Variants in PFKFB3 observed in about 807,000 individuals in gnomAD.
The protein encoded by PFKFB3 is 6-phosphofructo-2-kinase/fructose-2,6-bisphosphatase 3.
Under a neutral mutation model 68.0 loss-of-function variants are expected in PFKFB3, and 33 were observed. The observed-to-expected ratio is 0.49, with a 90% CI of 0.37 to 0.65. PFKFB3 has a LOEUF of 0.65. Ranked by LOEUF, PFKFB3 falls within the 30% of genes least tolerant of loss-of-function variation. PFKFB3 has a pLI of 0.00. For missense variants in PFKFB3, 586 were observed against 712.2 expected (o/e 0.82, Z 2.02); for synonymous variants, 315 against 288.2 (o/e 1.09, Z -0.94).
In PFKFB3 at chr10:6,233,177, T is replaced by C. The variant is rs535086675; in HGVS notation, c.*235T>C. ...TGCCTTTAGCCGTGGGGCCCCCACC[T>C]CCACTCTCTGGGTTTCCTAGGAATG... is the stretch of plus-strand genomic sequence containing the variant. On this transcript the variant is annotated 3_prime_UTR_variant, in exon 15 of 15. Coordinates refer to ENST00000379775, the MANE Select transcript of PFKFB3 (RefSeq NM_004566.4). 4.2e-5 allele frequency: 22 copies of C among 529,420 alleles called. No individual in the cohort carries two copies. In the East Asian group the frequency reaches 6.6e-4, roughly 16 times the overall value. The allele number at this position is 529,420 out of a possible 1,614,324, so 32.8% of individuals were successfully genotyped here. A position where few individuals can be genotyped will look rare whatever the true frequency, so the allele number is the denominator to read the frequency against.
At chr10:6,200,076 T>C (rs1002837143), upstream of PFKFB3, among the ~76,000 whole-genome samples, 6 of 152,146 alleles carry the variant, frequency 3.9e-5, no homozygotes, top group African/African-American at 7.2e-5. Flanking sequence ...CTGCTCCTAA[T>C]TGGCTTTCTT....
the PFKFB3 span, among the ~76,000 whole-genome samples, chr10:6,280,285 T>G: frequency 0.016 from 2,426 of 152,336 alleles, 64 homozygotes; most frequent in African/African-American, 0.055. Context: ...TATTTGGATA[T>G]GTAGACCATC....
At chr10:6,225,241 C>T (rs1030555575) in intron 13 of PFKFB3, 16 of 455,928 alleles carry the variant, frequency 3.5e-5, no homozygotes, top group Admixed American at 1.6e-4. Flanking sequence ...ATGGCGTTCC[C>T]GAAACAGGTG....
At chr10:6,316,631 C>A in the PFKFB3 span, among the ~76,000 whole-genome samples, 1 of 152,164 alleles carries the variant, frequency 6.6e-6, no homozygotes, top group Non-Finnish European at 1.5e-5. Context: ...GCATGCACCA[C>A]CACACCTGGC....
chr10:6,281,915 T>G, the PFKFB3 span, among the ~76,000 whole-genome samples: 1 of 152,188 alleles, frequency 6.6e-6, no homozygotes, highest in South Asian at 2.1e-4. Flanking sequence ...TGGAAAGATT[T>G]TTGAGCCCAA....
downstream of PFKFB3, among the ~76,000 whole-genome samples, chr10:6,239,050 G>C (rs1203676232): frequency 6.6e-6 from 1 of 152,182 alleles, no homozygotes; most frequent in East Asian, 1.9e-4. Context: ...GTGTCTTCAT[G>C]GCGGAACAAC....
chr10:6,217,574 G>A (rs540125821), intron 6 of PFKFB3, among the ~76,000 whole-genome samples: 1 of 152,314 alleles, frequency 6.6e-6, no homozygotes, highest in South Asian at 2.1e-4. Context: ...AGCTCCAGGA[G>A]GTAAGAATGC....
the PFKFB3 span, among the ~76,000 whole-genome samples, chr10:6,273,223 A>G: frequency 1.7e-4 from 26 of 151,972 alleles, no homozygotes; most frequent in African/African-American, 6.0e-4. Flanking sequence ...CACCTCACAG[A>G]TGTGATCCAT....
chr10:6,208,013 G>A (rs1588479274), intron 1 of PFKFB3, among the ~76,000 whole-genome samples: 1 of 152,212 alleles, frequency 6.6e-6, no homozygotes, highest in Admixed American at 6.5e-5. Flanking sequence ...CAAAGGAGGG[G>A]GTATTAGTAC....
downstream of PFKFB3, among the ~76,000 whole-genome samples, chr10:6,236,918 G>A (rs137992147): frequency 0.01 from 1,572 of 152,262 alleles, 12 homozygotes; most frequent in Non-Finnish European, 0.017. Context: ...GGATGCTGTC[G>A]GGGAGAGGAG....
the PFKFB3 span, among the ~76,000 whole-genome samples, chr10:6,283,093 G>A: frequency 6.6e-6 from 1 of 152,170 alleles, no homozygotes; most frequent in Non-Finnish European, 1.5e-5. Flanking sequence ...AGCCTCCTGA[G>A]TAGCTGGGAT....
At chr10:6,176,750 C>G (rs1302752888) in intron 1 of PFKFB3, among the ~76,000 whole-genome samples, 1 of 152,152 alleles carries the variant, frequency 6.6e-6, no homozygotes, top group Non-Finnish European at 1.5e-5. Flanking sequence ...GACATGGGCC[C>G]TCCCTAGTCC....
the PFKFB3 span, among the ~76,000 whole-genome samples, chr10:6,266,209 CTG>C: frequency 6.6e-6 from 1 of 152,094 alleles, no homozygotes; most frequent in Non-Finnish European, 1.5e-5. Flanking sequence ...GAGCTTGAGA[CTG>C]TTTATTTTAT....
intron 14 of PFKFB3, among the ~76,000 whole-genome samples, chr10:6,230,066 A>G (rs1372124067): frequency 6.6e-6 from 1 of 152,160 alleles, no homozygotes; most frequent in African/African-American, 2.4e-5. Context: ...AAATCTTTCT[A>G]CTGGGAGGAG....
chr10:6,144,965 C>G, exon 1 of PFKFB3: 1 of 1,274,856 alleles, frequency 7.8e-7, no homozygotes, highest in South Asian at 2.6e-5. Context: ...CTGGGTGTCG[C>G]GGGCCGGCCC....
At chr10:6,232,610 G>A (rs543872909) in intron 14 of PFKFB3, among the ~76,000 whole-genome samples, 4 of 152,242 alleles carry the variant, frequency 2.6e-5, no homozygotes, top group African/African-American at 7.2e-5. Context: ...CCAGCGCCGC[G>A]CAGCTCACGG....
the PFKFB3 span, chr10:6,294,313 G>A: frequency 2.5e-3 from 1,124 of 446,264 alleles, 9 homozygotes; most frequent in African/African-American, 0.021. Flanking sequence ...CTGAGACTTG[G>A]TAATTTATAA....
chr10:6,240,927 C>T (rs1588562001), intron 14 of PFKFB3, among the ~76,000 whole-genome samples: 1 of 149,912 alleles, frequency 6.7e-6, no homozygotes, highest in African/African-American at 2.5e-5. Context: ...TTTTTTGAGA[C>T]AGATTCTCAC....
chr10:6,207,288 AC>A (rs1843848890), intron 1 of PFKFB3, among the ~76,000 whole-genome samples: 1 of 152,080 alleles, frequency 6.6e-6, no homozygotes, highest in Admixed American at 6.5e-5. Flanking sequence ...AAATACGAAA[AC>A]CAGTCAGGCG....
Sources: allele counts gnomAD v4.1 joint callset (sites outside exome capture counted in the v4.1 genomes callset), GRCh38; gene constraint gnomAD v4.1.1; transcripts MANE v1.5; gene names NCBI Gene and HGNC (gene_info 2026-07-23, HGNC 2026-07-21).